Variants in CDK19 observed in about 807,000 individuals in gnomAD.
CDK19 encodes the protein cyclin-dependent kinase 19.
CDK19 carries 20 observed loss-of-function variants against 68.3 expected under a neutral mutation model. The ratio of observed to expected loss-of-function variants is 0.29; its 90% confidence interval spans 0.21 to 0.43. The LOEUF (loss-of-function observed/expected upper bound fraction) is 0.43. Ranked by LOEUF, CDK19 falls within the 20% of genes least tolerant of loss-of-function variation. The probability of loss-of-function intolerance (pLI) is 1.00; values close to 1 mark genes in which losing one functional copy is unlikely to be tolerated. For synonymous variants in CDK19, 221 were observed against 222.8 expected (o/e 0.99, Z 0.07); for missense variants, 339 against 623.5 (o/e 0.54, Z 4.86).
chr6:110,628,928 TC>T (rs1779265997), intron 6 of CDK19, among the ~76,000 whole-genome samples: 3 of 152,212 alleles, frequency 2.0e-5, no homozygotes, highest in African/African-American at 7.2e-5. Context: ...AGCAAGGTCA[TC>T]ATCATCATGA....
At chr6:110,771,011 G>A (rs1779977502) in intron 1 of CDK19, among the ~76,000 whole-genome samples, 1 of 152,194 alleles carries the variant, frequency 6.6e-6, no homozygotes, top group Non-Finnish European at 1.5e-5. Context: ...TGGCTTTGCA[G>A]GGTATAGCCC....
At chr6:110,625,268 T>C (rs1044960409) in intron 8 of CDK19, among the ~76,000 whole-genome samples, 2 of 152,120 alleles carry the variant, frequency 1.3e-5, no homozygotes, top group African/African-American at 2.4e-5. Context: ...AGGTGATTTG[T>C]AGGTACACTG....
intron 2 of CDK19, among the ~76,000 whole-genome samples, chr6:110,718,617 C>A (rs1775584249): frequency 7.3e-6 from 1 of 137,496 alleles, no homozygotes. Context: ...GCCAGAGAAC[C>A]ACGGAGAAAT....
chr6:110,643,087 T>G (rs1205635798), intron 4 of CDK19: 11 of 687,966 alleles, frequency 1.6e-5, no homozygotes, highest in Non-Finnish European at 2.2e-5. Context: ...GTAAGGAAGC[T>G]GAGCCTGCTA....
At chr6:110,791,395 T>C (rs1239535319) in intron 1 of CDK19, among the ~76,000 whole-genome samples, 1 of 151,814 alleles carries the variant, frequency 6.6e-6, no homozygotes, top group African/African-American at 2.4e-5. Flanking sequence ...GATGGAAGGG[T>C]TGTAGATGTA....
chr6:110,676,906 G>A (rs1220239317), intron 2 of CDK19, among the ~76,000 whole-genome samples: 2 of 152,168 alleles, frequency 1.3e-5, no homozygotes, highest in Non-Finnish European at 1.5e-5. Context: ...CTGTGTAAGA[G>A]GGAAGAGTGT....
chr6:110,812,718 A>G (rs542997279), intron 1 of CDK19, among the ~76,000 whole-genome samples: 3 of 152,174 alleles, frequency 2.0e-5, no homozygotes, highest in African/African-American at 7.2e-5. Flanking sequence ...TTCTGAGTTA[A>G]CCAAAATAAA....
chr6:110,805,107 G>A (rs1320170524), intron 1 of CDK19, among the ~76,000 whole-genome samples: 1 of 152,076 alleles, frequency 6.6e-6, no homozygotes, highest in Non-Finnish European at 1.5e-5. Context: ...TCTCTCGTGA[G>A]ACTCTCTTTT....
In CDK19 at chr6:110,637,646, A is replaced by G. The variant is rs78991663; in HGVS notation, c.514+1003T>C. ...ATTAACACATTTTAACATATTTCTAAAAAGCATTCAACTTTCAATAAATAT... is the reference window on the plus strand; with the variant it reads ...ATTAACACATTTTAACATATTTCTAGAAAGCATTCAACTTTCAATAAATAT... On this transcript the variant is annotated intron_variant, in intron 5 of 12. Transcript: ENST00000368911. 1.6e-3 allele frequency among the ~76,000 whole-genome samples: 240 copies of G among 152,356 alleles called. 3 individuals are homozygous for G. In the East Asian group the frequency reaches 0.044, roughly 28 times the overall value.
chr6:110,777,088 T>C (rs1444886621), intron 1 of CDK19, among the ~76,000 whole-genome samples: 1 of 152,228 alleles, frequency 6.6e-6, no homozygotes, highest in Non-Finnish European at 1.5e-5. Context: ...GGCATCTATC[T>C]ATATGTCAGA....
chr6:110,724,031 C>T (rs998493313), intron 2 of CDK19, among the ~76,000 whole-genome samples: 11 of 142,040 alleles, frequency 7.7e-5, no homozygotes, highest in Non-Finnish European at 1.7e-4. Flanking sequence ...AAAAAAAAAA[C>T]TAGTTTAAAA....
intron 4 of CDK19, among the ~76,000 whole-genome samples, chr6:110,653,149 C>T (rs1024088358): frequency 1.3e-5 from 2 of 152,060 alleles, no homozygotes; most frequent in East Asian, 1.9e-4. Flanking sequence ...AATATAATCA[C>T]CATCAAAGTG....
chr6:110,630,253 C>T (rs141586786), intron 6 of CDK19, among the ~76,000 whole-genome samples: 5 of 152,314 alleles, frequency 3.3e-5, no homozygotes, highest in African/African-American at 1.2e-4. Context: ...TAGAGCTAGA[C>T]TGTCCTAGTG....
At chr6:110,677,067 A>T (rs887231233) in intron 2 of CDK19, among the ~76,000 whole-genome samples, 1 of 152,184 alleles carries the variant, frequency 6.6e-6, no homozygotes, top group Non-Finnish European at 1.5e-5. Context: ...TATCAACATG[A>T]AGGCCGACTG....
At chr6:110,799,770 T>C (rs556195136) in intron 1 of CDK19, among the ~76,000 whole-genome samples, 19 of 152,210 alleles carry the variant, frequency 1.2e-4, no homozygotes, top group African/African-American at 4.6e-4. Context: ...GCTAGTTTTT[T>C]TGTTTACTTT....
At chr6:110,623,483 A>G (rs1778843159) in intron 8 of CDK19, 121 bp from the exon 9 acceptor site, 2 of 1,367,772 alleles carry the variant, frequency 1.5e-6, no homozygotes, top group Non-Finnish European at 1.9e-6. Flanking sequence ...TTTTTTCTGA[A>G]TAAGAAGAAA....
At chr6:110,809,791 C>T (rs944784290) in intron 1 of CDK19, among the ~76,000 whole-genome samples, 19 of 152,020 alleles carry the variant, frequency 1.2e-4, no homozygotes, top group African/African-American at 4.6e-4. Flanking sequence ...ATTATGTGAC[C>T]AACTCTGTAC....
At position 110,815,434 on chromosome 6, in the gene CDK19, C is replaced by T. The variant is rs1783565595; in HGVS notation, c.-298G>A. 2 of 261,366 alleles carry T rather than the reference C, an allele frequency of 7.7e-6. No homozygotes were observed. Among genetic ancestry groups the T allele is most frequent in the South Asian group, 1.1e-4 (1 of 9,264 alleles). 16.2% of individuals were successfully genotyped at this position (261,366 alleles called of 1,614,324 possible). On this transcript the variant is annotated 5_prime_UTR_variant, in exon 1 of 13. Coordinates refer to ENST00000368911, the MANE Select transcript of CDK19 (RefSeq NM_015076.5). The stretch of plus-strand genomic sequence containing the variant: ...CCTTGTTTTGGAACCTGGTGGGCCG[C>T]GCCGTGGCTTCCTCGAGCTCATTAG...
chr6:110,702,232 GC>G (rs1774070780), intron 2 of CDK19, among the ~76,000 whole-genome samples: 1 of 152,140 alleles, frequency 6.6e-6, no homozygotes, highest in Non-Finnish European at 1.5e-5. Context: ...GATTGCTTGA[GC>G]CCAGGATTTT....
Sources: gnomAD v4.1 joint callset for allele counts (sites outside exome capture counted in the v4.1 genomes callset) on GRCh38, gnomAD v4.1.1 for gene constraint, MANE v1.5 for transcripts, NCBI Gene and HGNC (gene_info 2026-07-23, HGNC 2026-07-21) for gene names.